Variants in SRL observed in about 807,000 individuals in gnomAD.
SRL encodes the protein sarcalumenin.
A neutral mutation model predicts 39.5 loss-of-function variants in SRL; 23 were observed. That is an observed-to-expected ratio of 0.58 (90% confidence interval 0.42 to 0.82). The LOEUF (loss-of-function observed/expected upper bound fraction) is 0.82, where lower values mean the gene tolerates loss of function less well. Ranked by LOEUF, SRL falls within the 40% of genes least tolerant of loss-of-function variation. The probability of loss-of-function intolerance (pLI) is 0.00; values close to 1 mark genes in which losing one functional copy is unlikely to be tolerated. For synonymous variants in SRL, 272 were observed against 237.4 expected, an observed-to-expected ratio of 1.15 and a Z score of -1.34; for missense variants, 592 against 607.8, an observed-to-expected ratio of 0.97 and a Z score of 0.27.
At chr16:4,208,302 G>A (rs1433134691) in intron 1 of SRL, among the ~76,000 whole-genome samples, 1 of 152,190 alleles carries the variant, frequency 6.6e-6, no homozygotes, top group African/African-American at 2.4e-5. Flanking sequence ...TCCCTCCCAA[G>A]ATGTAGAAGC....
At chr16:4,234,377 G>A (rs1567191732) in intron 1 of SRL, among the ~76,000 whole-genome samples, 2 of 152,168 alleles carry the variant, frequency 1.3e-5, no homozygotes, top group African/African-American at 2.4e-5. Flanking sequence ...TCCCTGAGAT[G>A]GGGTGGCTCA....
chr16:4,210,883 A>G (rs1438154894), intron 1 of SRL, among the ~76,000 whole-genome samples: 1 of 152,204 alleles, frequency 6.6e-6, no homozygotes, highest in Non-Finnish European at 1.5e-5. Flanking sequence ...ATGTGACTTC[A>G]GAGCCACAGT....
intron 1 of SRL, among the ~76,000 whole-genome samples, chr16:4,205,347 T>C (rs895194147): frequency 3.9e-5 from 6 of 152,008 alleles, no homozygotes; most frequent in Non-Finnish European, 5.9e-5. Context: ...TCAGGAGGCT[T>C]TAGGGCTAGG....
intron 4 of SRL, among the ~76,000 whole-genome samples, chr16:4,196,386 A>T (rs912331595): frequency 6.6e-6 from 1 of 151,294 alleles, no homozygotes; most frequent in African/African-American, 2.4e-5. Context: ...AAAACTCTGT[A>T]TCCATTAAAC....
rs185072782 is a variant in SRL at position 4,236,757 on chromosome 16, C to G, written c.61+5250G>C. 5.5e-3 allele frequency among the ~76,000 whole-genome samples: 844 copies of G among 152,238 alleles called. 3 individuals carry two copies. Among genetic ancestry groups the G allele is most frequent in the African/African-American group, 0.019 (782 of 41,526 alleles). On this transcript the variant is annotated intron_variant, in intron 1 of 5. Transcript: ENST00000399609. ...CTCCCGGGTACAAGCAATTCTCCTG[C>G]CTCAGCCTCCCGAGTAGCTGGGATT... is the stretch of plus-strand genomic sequence containing the variant.
chr16:4,225,707 C>T (rs2052580195), intron 1 of SRL, among the ~76,000 whole-genome samples: 1 of 152,158 alleles, frequency 6.6e-6, no homozygotes, highest in Non-Finnish European at 1.5e-5. Context: ...CAGCCACTGT[C>T]ATCTCCCACC....
chr16:4,230,770 AC>A (rs2052652552), intron 1 of SRL, among the ~76,000 whole-genome samples: 1 of 152,076 alleles, frequency 6.6e-6, no homozygotes, highest in Non-Finnish European at 1.5e-5. Context: ...TGGGCCCTAA[AC>A]CCAACATCTT....
chr16:4,220,971 C>A (rs949048154), intron 1 of SRL, among the ~76,000 whole-genome samples: 1 of 151,688 alleles, frequency 6.6e-6, no homozygotes, highest in African/African-American at 2.4e-5. Flanking sequence ...GGCAACAGAG[C>A]GAGATCCTGT....
intron 1 of SRL, among the ~76,000 whole-genome samples, chr16:4,209,256 G>C (rs1242781687): frequency 6.6e-6 from 1 of 151,952 alleles, no homozygotes; most frequent in Non-Finnish European, 1.5e-5. Context: ...CTGGGCGACA[G>C]AGTGAGACTC....
In SRL at chr16:4,195,866, G is replaced by T. The variant is rs548543291; in HGVS notation, c.377-80C>A. ...ACTGAGAAGCATGTGTATATGCCTG[G>T]TGTCACAGGGAGACTTTTGCAACAG... On this transcript the variant is annotated intron_variant, in intron 4 of 5. Transcript: ENST00000399609. 12 of 1,197,726 alleles carry T rather than the reference G, an allele frequency of 1.0e-5. No individual in the cohort carries two copies. The South Asian group carries it at 1.6e-4, about 16-fold the overall frequency. 74.2% of individuals were successfully genotyped at this position (1,197,726 alleles called of 1,614,324 possible).
rs555999418 is a variant in SRL at position 4,210,486 on chromosome 16, C to CTTTTTTTTTTT, written c.62-5863_62-5853dup. Reference sequence around the variant, plus strand: ...TTGGTAAAATGAGTATTACTCATATCTTTTTTTTTTTTTTTTTTTTTGAGA... The same window carrying CTTTTTTTTTTT: ...TTGGTAAAATGAGTATTACTCATATCTTTTTTTTTTTTTTTTTTTTTTTTTTTTTTTTGAGA... On this transcript the variant is annotated intron_variant, in intron 1 of 5. Transcript: ENST00000399609. Among the ~76,000 whole-genome samples, 61 of 103,994 alleles carry CTTTTTTTTTTT rather than the reference C, an allele frequency of 5.9e-4. 5 individuals carry two copies. Among genetic ancestry groups the CTTTTTTTTTTT allele is most frequent in the African/African-American group, 1.7e-3 (42 of 24,436 alleles). The allele number at this position is 103,994 out of a possible 152,430, so 68.2% of individuals were successfully genotyped here.
chr16:4,204,915 C>A (rs8054634), intron 1 of SRL, among the ~76,000 whole-genome samples: 2,870 of 152,282 alleles, frequency 0.019, 105 homozygotes, highest in African/African-American at 0.065. Context: ...GCATTGAACA[C>A]CTTCGCCACG....
At chr16:4,237,886 G>A (rs905029943) in intron 1 of SRL, among the ~76,000 whole-genome samples, 1 of 152,050 alleles carries the variant, frequency 6.6e-6, no homozygotes, top group African/African-American at 2.4e-5. Context: ...CCTGCCTTCA[G>A]CCCCACCTTG....
chr16:4,198,623 T>G (rs2052180380), intron 3 of SRL, among the ~76,000 whole-genome samples: 1 of 152,164 alleles, frequency 6.6e-6, no homozygotes, highest in African/African-American at 2.4e-5. Flanking sequence ...TTAAAAATTT[T>G]TTTTTGTAGA....
In SRL at chr16:4,213,404, C is replaced by CTTTTTCTTTTTCTTTT. The variant is rs1237775177; in HGVS notation, c.62-8771_62-8770insAAAAGAAAAAGAAAAA. ...CATCTTTTTTTTTCTTTTTCTTTTT[C>CTTTTTCTTTTTCTTTT]TTTTTTTTTTTTTTTTTTTTTTTTT... On this transcript the variant is annotated intron_variant, in intron 1 of 5. Transcript: ENST00000399609. Among the ~76,000 whole-genome samples, 352 of 69,600 alleles carry CTTTTTCTTTTTCTTTT rather than the reference C, an allele frequency of 5.1e-3. 53 individuals are homozygous for CTTTTTCTTTTTCTTTT. The highest frequency in any genetic ancestry group is 0.019 in the African/African-American group (232 of 12,210). The allele number at this position is 69,600 out of a possible 152,430, so 45.7% of individuals were successfully genotyped here.
intron 1 of SRL, among the ~76,000 whole-genome samples, chr16:4,238,899 G>C (rs188296773): frequency 6.6e-6 from 1 of 152,120 alleles, no homozygotes; most frequent in African/African-American, 2.4e-5. Context: ...GGGATTACAG[G>C]TGTGAGCCAC....
chr16:4,216,548 A>G (rs982509114), intron 1 of SRL, among the ~76,000 whole-genome samples: 9 of 152,248 alleles, frequency 5.9e-5, no homozygotes, highest in African/African-American at 1.9e-4. Context: ...CTGGGATTAT[A>G]GGCATGAGCC....
rs1474544982 is a variant in SRL at position 4,204,406 on chromosome 16, TA to T, written c.163+126del. On this transcript the variant is annotated intron_variant, in intron 2 of 5. Coordinates refer to ENST00000399609, the MANE Select transcript of SRL (RefSeq NM_001098814.2). ...CCAACGTCCCCTCCAGCCTCCAAGATAGATACAGCCCCGGCCTCCAAGATAC... is the reference window on the plus strand; with the variant it reads ...CCAACGTCCCCTCCAGCCTCCAAGATGATACAGCCCCGGCCTCCAAGATAC... 1.9e-4 allele frequency: 109 copies of T among 588,436 alleles called. 5 individuals are homozygous for T. The African/African-American group carries it at 2.2e-3, about 12-fold the overall frequency. 36.5% of individuals were successfully genotyped at this position (588,436 alleles called of 1,614,324 possible).
intron 3 of SRL, among the ~76,000 whole-genome samples, chr16:4,201,002 A>G (rs961399745): frequency 6.6e-6 from 1 of 152,232 alleles, no homozygotes; most frequent in Non-Finnish European, 1.5e-5. Flanking sequence ...ACATTTTTAA[A>G]TTGCATTGCT....
Sources: gnomAD v4.1 joint callset for allele counts (sites outside exome capture counted in the v4.1 genomes callset) on GRCh38, gnomAD v4.1.1 for gene constraint, MANE v1.5 for transcripts, NCBI Gene and HGNC (gene_info 2026-07-23, HGNC 2026-07-21) for gene names.